ZMIZ1: variants seen among roughly 807,000 people sequenced by gnomAD.
ZMIZ1 encodes the protein zinc finger MIZ domain-containing protein 1.
A neutral mutation model predicts 113.9 loss-of-function variants in ZMIZ1; 17 were observed. That is an observed-to-expected ratio of 0.15 (90% CI 0.10 to 0.22). The LOEUF is 0.22. Ranked by LOEUF, ZMIZ1 falls within the 10% of genes least tolerant of loss-of-function variation. The pLI is 1.00. For synonymous variants in ZMIZ1, 607 were observed against 603.1 expected (o/e 1.01, Z -0.09); for missense variants, 1,059 against 1,477.8 (o/e 0.72, Z 4.65).
At chr10:79,290,703 T>C in intron 9 of ZMIZ1, 1 of 676,738 alleles carries the variant, frequency 1.5e-6, no homozygotes, top group South Asian at 1.5e-5. Flanking sequence ...TTGAACTGGC[T>C]TTGTGGGGCT....
intron 24 of ZMIZ1, 44 bp downstream of exon 24, chr10:79,311,228 G>T: frequency 6.4e-7 from 1 of 1,567,074 alleles, no homozygotes; most frequent in Non-Finnish European, 8.6e-7. Flanking sequence ...GCTAGGCCTG[G>T]CGCCGGGACC....
At chr10:79,265,921 C>G (rs987094243) in intron 7 of ZMIZ1, among the ~76,000 whole-genome samples, 6 of 152,230 alleles carry the variant, frequency 3.9e-5, no homozygotes, top group Non-Finnish European at 8.8e-5. Context: ...ACAGGGTGAG[C>G]TCTCTGGAGC....
intron 7 of ZMIZ1, among the ~76,000 whole-genome samples, chr10:79,231,575 G>GTT (rs1437920585): frequency 6.7e-6 from 1 of 150,306 alleles, no homozygotes; most frequent in Non-Finnish European, 1.5e-5. Context: ...TTGTTTGTTT[G>GTT]TTTTTTGTTT....
intron 7 of ZMIZ1, among the ~76,000 whole-genome samples, chr10:79,223,834 C>T (rs953306397): frequency 6.6e-6 from 1 of 152,220 alleles, no homozygotes; most frequent in Admixed American, 6.5e-5. Context: ...TCCCCTCCCC[C>T]ACCTCCCTGA....
intron 20 of ZMIZ1, 35 bp downstream of exon 20, chr10:79,305,266 A>T: frequency 6.2e-7 from 1 of 1,611,036 alleles, no homozygotes. Context: ...GGCTTCCCCC[A>T]TCCCCCAACC....
intron 1 of ZMIZ1, among the ~76,000 whole-genome samples, chr10:79,087,751 T>G (rs1370178533): frequency 6.6e-6 from 1 of 152,236 alleles, no homozygotes; most frequent in Non-Finnish European, 1.5e-5. Flanking sequence ...TTGCACGTTG[T>G]GTTCCTCTCT....
chr10:79,083,408 T>G (rs559513244), intron 1 of ZMIZ1, among the ~76,000 whole-genome samples: 1 of 151,918 alleles, frequency 6.6e-6, no homozygotes, highest in South Asian at 2.1e-4. Context: ...TGTGGCTAGA[T>G]GGAGTGAGGG....
chr10:79,188,922 A>T (rs1407836734), intron 4 of ZMIZ1, among the ~76,000 whole-genome samples: 1 of 152,140 alleles, frequency 6.6e-6, no homozygotes, highest in African/African-American at 2.4e-5. Flanking sequence ...AACTCATCTA[A>T]CCGGGAATGC....
intron 4 of ZMIZ1, among the ~76,000 whole-genome samples, chr10:79,188,162 G>A (rs1348547390): frequency 6.6e-6 from 1 of 152,224 alleles, no homozygotes; most frequent in Non-Finnish European, 1.5e-5. Context: ...ATTATGAATG[G>A]AGATGTCAGT....
intron 21 of ZMIZ1, 35 bp downstream of exon 21, chr10:79,305,636 A>C: frequency 1.5e-5 from 21 of 1,443,868 alleles, no homozygotes; most frequent in Non-Finnish European, 1.8e-5. Flanking sequence ...AGGGGGTGGG[A>C]GGGGACGAGG....
chr10:79,269,606 C>T (rs970381586), intron 7 of ZMIZ1, among the ~76,000 whole-genome samples: 3 of 152,152 alleles, frequency 2.0e-5, no homozygotes, highest in African/African-American at 7.2e-5. Context: ...CTCTCCCGCC[C>T]AGCCATACAT....
Position 79,176,134 on chromosome 10 carries a change from G to A in ZMIZ1, c.-50+14001G>A, listed in dbSNP as rs186596820. Among the ~76,000 whole-genome samples, 11 of 152,110 alleles carry A rather than the reference G, an allele frequency of 7.2e-5. No homozygotes were observed. In the East Asian group the frequency reaches 1.4e-3, roughly 19 times the overall value. ...GATGGGGCAGCCACACAGACCGCAC[G>A]TGTTCCGGAGGCCCAACGGGCCAGG... On this transcript the variant is annotated intron_variant, in intron 4 of 24. Transcript: ENST00000334512.
chr10:79,114,492 TGC>T (rs1307478941), intron 1 of ZMIZ1, among the ~76,000 whole-genome samples: 89 of 68,088 alleles, frequency 1.3e-3, no homozygotes, highest in East Asian at 4.6e-3. Context: ...TGTGTGTGTG[TGC>T]GTGTGTGTGT....
chr10:79,288,846 G>C (rs35352301), intron 8 of ZMIZ1, among the ~76,000 whole-genome samples: 7,296 of 152,282 alleles, frequency 0.048, 452 homozygotes, highest in African/African-American at 0.14. Flanking sequence ...GGGGCTGAAG[G>C]CTAACTCCTT....
At chr10:79,279,829 G>A (rs1297578276) in intron 8 of ZMIZ1, among the ~76,000 whole-genome samples, 1 of 152,140 alleles carries the variant, frequency 6.6e-6, no homozygotes. Context: ...AGGCATGGTG[G>A]CACGCGCCTG....
chr10:79,089,200 C>G (rs1842918127), intron 1 of ZMIZ1, among the ~76,000 whole-genome samples: 1 of 152,202 alleles, frequency 6.6e-6, no homozygotes, highest in East Asian at 1.9e-4. Context: ...GGGGTTCATT[C>G]CCATGGAGGA....
At chr10:79,200,995 C>G (rs893329641) in intron 4 of ZMIZ1, among the ~76,000 whole-genome samples, 6 of 152,244 alleles carry the variant, frequency 3.9e-5, no homozygotes, top group Non-Finnish European at 7.3e-5. Context: ...CCACCCAAAA[C>G]ACACATGCGC....
intron 3 of ZMIZ1, among the ~76,000 whole-genome samples, chr10:79,144,302 T>C (rs576440649): frequency 3.9e-5 from 6 of 152,358 alleles, no homozygotes; most frequent in East Asian, 3.9e-4. Flanking sequence ...GGGCAGGAAC[T>C]GCATCCGTCT....
intron 4 of ZMIZ1, among the ~76,000 whole-genome samples, chr10:79,197,131 TC>T (rs1847865147): frequency 6.6e-6 from 1 of 152,244 alleles, no homozygotes; most frequent in Admixed American, 6.5e-5. Flanking sequence ...GCATGAGGTT[TC>T]TTTGTACTTC....
Sources: allele counts gnomAD v4.1 joint callset (sites outside exome capture counted in the v4.1 genomes callset), GRCh38; gene constraint gnomAD v4.1.1; transcripts MANE v1.5; gene names NCBI Gene and HGNC (gene_info 2026-07-23, HGNC 2026-07-21).